WFS1: variants seen among roughly 807,000 people sequenced by gnomAD.
The protein encoded by WFS1 is wolframin.
A neutral mutation model predicts 68.5 loss-of-function variants in WFS1; 90 were observed. The ratio of observed to expected loss-of-function variants is 1.31; its 90% CI spans 1.11 to 1.56. The LOEUF is 1.56. Ranked by LOEUF, WFS1 falls within the 40% of genes most tolerant of loss-of-function variation. The pLI is 0.00. For missense variants in WFS1, 1,767 were observed against 1,232.6 expected, an observed-to-expected ratio of 1.43 and a Z score of -6.49; for synonymous variants, 860 against 540.7, an observed-to-expected ratio of 1.59 and a Z score of -8.19.
In WFS1 at chr4:6,301,398, C is replaced by T; in HGVS notation, c.1603C>T (p.Leu535=). Residue 535 remains leucine, a synonymous_variant, in exon 8 of 8, where the codon CTG becomes TTG. Transcript: ENST00000226760. The part of the protein sequence containing the change: ...KGTYCYLVPY[L]VCFMWCELSV... ...CACCTACTGCTACCTTGTGCCCTAC[C>T]TGGTGTGCTTCATGTGGTGTGAGCT... The T allele has an allele frequency of 2.5e-6, 4 of 1,612,628 alleles. No individual in the cohort carries two copies. Among genetic ancestry groups the T allele is most frequent in the South Asian group, 1.1e-5 (1 of 91,080 alleles).
rs559288692 is a variant in WFS1 at position 6,293,982 on chromosome 4, T to C, written c.713-1059T>C. On this transcript the variant is annotated intron_variant, in intron 6 of 7. Coordinates refer to ENST00000226760, the MANE Select transcript of WFS1 (RefSeq NM_006005.3). ...AGGCCTGTGCTACCTGCCACTTGTG[T>C]GGGCCCCCCCAAGGCTGCCTCATCT... Among the ~76,000 whole-genome samples, 5 of 151,240 alleles carry C rather than the reference T, an allele frequency of 3.3e-5. No homozygotes were observed. In the South Asian group the frequency reaches 1.0e-3, roughly 32 times the overall value.
At chr4:6,295,020 C>T (rs1447523289) in intron 6 of WFS1, 21 bp from the exon 7 acceptor site, 2 of 1,613,022 alleles carry the variant, frequency 1.2e-6, no homozygotes, top group Non-Finnish European at 8.5e-7. Context: ...GGCGCCCATG[C>T]TGTTTTCTCT....
chr4:6,273,659 A>T (rs935696741), intron 1 of WFS1, among the ~76,000 whole-genome samples: 3 of 152,256 alleles, frequency 2.0e-5, no homozygotes, highest in Non-Finnish European at 4.4e-5. Context: ...CTCAGGGCTC[A>T]CAGTGGCTGT....
At position 6,301,648 on chromosome 4, in the gene WFS1, T is replaced by A; in HGVS notation, c.1853T>A (p.Phe618Tyr). Residue 618 changes from phenylalanine to tyrosine, a missense_variant, in exon 8 of 8, where the codon TTC becomes TAC. By Grantham distance (22) the Phe-to-Tyr change is conservative (BLOSUM62 3). Coordinates refer to ENST00000226760, the MANE Select transcript of WFS1 (RefSeq NM_006005.3). Reference protein sequence around the residue: ...LLLRWWTKASFSVVGMVKSLT... With the variant: ...LLLRWWTKASYSVVGMVKSLT... Reference sequence around the variant, plus strand: ...TTGCGCTGGTGGACCAAGGCCAGCTTCTCTGTGGTGGGGATGGTGAAGTCC... The same window carrying A: ...TTGCGCTGGTGGACCAAGGCCAGCTACTCTGTGGTGGGGATGGTGAAGTCC... 1.2e-6 allele frequency: 2 copies of A among 1,614,082 alleles called. No homozygotes were observed. Among genetic ancestry groups the A allele is most frequent in the Non-Finnish European group, 1.7e-6 (2 of 1,179,992 alleles).
intron 2 of WFS1, among the ~76,000 whole-genome samples, chr4:6,282,920 C>T (rs1237557487): frequency 6.6e-6 from 1 of 152,218 alleles, no homozygotes; most frequent in African/African-American, 2.4e-5. Flanking sequence ...GCAGTGGCTT[C>T]CTCCTGGAAT....
At chr4:6,291,828 C>G (rs1050831528) in intron 5 of WFS1, 89 bp from the exon 6 acceptor site, 309 of 1,413,620 alleles carry the variant, frequency 2.2e-4, no homozygotes, top group Non-Finnish European at 2.9e-4. Context: ...CTGGCGTGCC[C>G]TAGGAACAGT....
Position 6,300,791 on chromosome 4 carries a change from C to T in WFS1, c.996C>T (p.Ile332=), listed in dbSNP as rs138674328. 1.3e-5 allele frequency: 21 copies of T among 1,613,916 alleles called. No homozygotes were observed. The highest frequency in any genetic ancestry group is 7.7e-5 in the South Asian group (7 of 91,058). Reference sequence around the variant, plus strand: ...TCAACGCGCTCATCTTCTTCTTCATCGTCAGCAACCTCACCATCGACTTCT... The same window carrying T: ...TCAACGCGCTCATCTTCTTCTTCATTGTCAGCAACCTCACCATCGACTTCT... The part of the protein sequence containing the change: ...HHINALIFFF[I]VSNLTIDFFA... Residue 332 remains isoleucine, a synonymous_variant, in exon 8 of 8, where the codon ATC becomes ATT. Coordinates refer to ENST00000226760, the MANE Select transcript of WFS1 (RefSeq NM_006005.3).
At chr4:6,271,097 T>C (rs1389216531) in intron 1 of WFS1, among the ~76,000 whole-genome samples, 1 of 152,240 alleles carries the variant, frequency 6.6e-6, no homozygotes, top group African/African-American at 2.4e-5. Context: ...ATGTGCTGGC[T>C]GCCTGTTCTC....
At position 6,301,477 on chromosome 4, in the gene WFS1, T is replaced by G. The variant is rs776993839; in HGVS notation, c.1682T>G (p.Ile561Ser). The change falls in exon 8 of 8, where the codon ATC becomes AGC. Residue 561 changes from isoleucine (I) to serine (S), a missense_variant. Coordinates refer to ENST00000226760, the MANE Select transcript of WFS1 (RefSeq NM_006005.3). ...GGCCTGGGGCTGCTCCGCGCCTCCA[T>G]CGGCTACTTCCTCTTCCTCTTTGCC... ...STGLGLLRAS[I>S]GYFLFLFALP... The G allele has an allele frequency of 6.1e-5, 98 of 1,612,958 alleles. No individual in the cohort carries two copies. The highest frequency in any genetic ancestry group is 1.6e-4 in the Middle Eastern group (1 of 6,084).
chr4:6,281,057 A>T (rs1730147283), intron 2 of WFS1, among the ~76,000 whole-genome samples: 1 of 152,150 alleles, frequency 6.6e-6, no homozygotes, highest in African/African-American at 2.4e-5. Flanking sequence ...TGGCCAGCCC[A>T]CACGACTGCT....
chr4:6,293,693 C>G (rs1730540508), intron 6 of WFS1, among the ~76,000 whole-genome samples: 1 of 152,198 alleles, frequency 6.6e-6, no homozygotes. Flanking sequence ...TGTCCTGTCT[C>G]TCAGGACAGG....
intron 7 of WFS1, among the ~76,000 whole-genome samples, chr4:6,300,079 C>T (rs1393642019): frequency 6.6e-6 from 1 of 152,032 alleles, no homozygotes; most frequent in African/African-American, 2.4e-5. Flanking sequence ...GGTATTTTTG[C>T]TGGGAGAGTG....
chr4:6,276,512 C>T (rs112058995), intron 1 of WFS1, among the ~76,000 whole-genome samples: 2,039 of 152,256 alleles, frequency 0.013, 60 homozygotes, highest in African/African-American at 0.047. Context: ...CATCAGTCCT[C>T]TGACTTCGGT....
At chr4:6,290,651 C>T (rs993496892) in intron 4 of WFS1, among the ~76,000 whole-genome samples, 1 of 152,212 alleles carries the variant, frequency 6.6e-6, no homozygotes, top group Non-Finnish European at 1.5e-5. Flanking sequence ...TGTCCCAGGC[C>T]GTTGGGGGTA....
chr4:6,293,481 C>T (rs373712836), intron 6 of WFS1, among the ~76,000 whole-genome samples: 49 of 152,034 alleles, frequency 3.2e-4, no homozygotes, highest in African/African-American at 1.1e-3. Context: ...TGCTCTCAGG[C>T]CTCTGCCATG....
At chr4:6,296,681 G>A (rs1379465768) in intron 7 of WFS1, among the ~76,000 whole-genome samples, 2 of 152,222 alleles carry the variant, frequency 1.3e-5, no homozygotes, top group Non-Finnish European at 2.9e-5. Context: ...TGGGCCAGGC[G>A]GCCATGGCCC....
At position 6,291,325 on chromosome 4, in the gene WFS1, G is replaced by A. The variant is rs1730457593; in HGVS notation, c.589G>A (p.Val197Met). 6.2e-7 allele frequency: 1 copy of A among 1,613,440 alleles called. No individual in the cohort carries two copies. Among genetic ancestry groups the A allele is most frequent in the African/African-American group, 1.3e-5 (1 of 75,048 alleles). The change falls in exon 5 of 8, where the codon GTG (valine) becomes ATG (methionine). Residue 197 changes from valine to methionine, a missense_variant. Val to Met is a conservative substitution (Grantham distance 21). Coordinates refer to ENST00000226760, the MANE Select transcript of WFS1 (RefSeq NM_006005.3). The part of the protein sequence containing the change: ...LNPKKKKQVA[V>M]AELLENVGQV... ...CCCCAAGAAGAAGAAGCAGGTGGCC[G>A]TGGCGGAGCTGCTGGAGAATGTCGG...
At chr4:6,290,675 A>G (rs1036835827) in intron 4 of WFS1, among the ~76,000 whole-genome samples, 1 of 152,228 alleles carries the variant, frequency 6.6e-6, no homozygotes, top group African/African-American at 2.4e-5. Context: ...GGAGGAAGGC[A>G]GCTGCTGACC....
At position 6,291,471 on chromosome 4, in the gene WFS1, C is replaced by T. The variant is rs1327159630; in HGVS notation, c.631+104C>T. ...TGGGACCTTCCCTCAGGGGCTGGGT[C>T]TTCCCACAGGAGCCGGGACCTTCCC... On this transcript the variant is annotated intron_variant, in intron 5 of 7. Transcript: ENST00000226760. 7 of 1,464,702 alleles carry T rather than the reference C, an allele frequency of 4.8e-6. No individual in the cohort carries two copies. The African/African-American group carries it at 9.8e-5, about 20-fold the overall frequency. The allele number at this position is 1,464,702 out of a possible 1,614,324, so 90.7% of individuals were successfully genotyped here.
Sources: allele counts gnomAD v4.1 joint callset (sites outside exome capture counted in the v4.1 genomes callset), GRCh38; gene constraint gnomAD v4.1.1; transcripts MANE v1.5; gene names NCBI Gene and HGNC (gene_info 2026-07-23, HGNC 2026-07-21).